USH2A: variants seen among roughly 807,000 people sequenced by gnomAD.
USH2A encodes the protein usherin.
USH2A carries 443 observed loss-of-function variants against 538.9 expected under a neutral mutation model. The observed-to-expected ratio is 0.82, with a 90% confidence interval of 0.76 to 0.89. The LOEUF (loss-of-function observed/expected upper bound fraction) is 0.89. USH2A is among the 40% of genes least tolerant of loss of function. The probability of loss-of-function intolerance (pLI) is 0.00; values close to 1 mark genes in which losing one functional copy is unlikely to be tolerated. For missense variants in USH2A, 6,633 were observed against 6,324.8 expected, an observed-to-expected ratio of 1.05 and a Z score of -1.65; for synonymous variants, 2,413 against 2,273.5, an observed-to-expected ratio of 1.06 and a Z score of -1.75.
At chr1:216,049,072 C>T (rs919862243) in intron 30 of USH2A, among the ~76,000 whole-genome samples, 2 of 152,140 alleles carry the variant, frequency 1.3e-5, no homozygotes, top group African/African-American at 4.8e-5. Flanking sequence ...ACTAAGGAGT[C>T]CTTTTTATAG....
chr1:216,221,641 G>A (rs1264384080), intron 14 of USH2A, among the ~76,000 whole-genome samples: 3 of 152,184 alleles, frequency 2.0e-5, no homozygotes, highest in Non-Finnish European at 4.4e-5. Flanking sequence ...ACTCATAAAA[G>A]CTGGACCAGG....
rs534034765 is a variant in USH2A at position 216,319,045 on chromosome 1, A to G, written c.1644+2838T>C. 7.9e-5 allele frequency among the ~76,000 whole-genome samples: 12 copies of G among 152,346 alleles called. No homozygotes were observed. In the East Asian group the frequency reaches 1.9e-3, roughly 24 times the overall value. ...AGTCAACAGAAAGCAAGAGAAGCTC[A>G]GAAAAGAACATATCATATGAAGGTA... On this transcript the variant is annotated intron_variant, in intron 9 of 71. Transcript: ENST00000307340.
rs1313107774 is a variant in USH2A, at chr1:216,247,169, A to G, written c.2225T>C (p.Val742Ala). The change falls in exon 13 of 72, where the codon GTT becomes GCT. Residue 742 changes from valine (V) to alanine (A), a missense_variant. Val to Ala is a moderately conservative substitution (Grantham distance 64). Transcript: ENST00000307340. ...GFKFLRSFND[V>A]GCEPCQCNLH... Reference sequence around the variant, plus strand: ...GTTACACTGGCAGGGCTCACATCCAACATCATTAAAGCTTCGGAGAAATTT... The same window carrying G: ...GTTACACTGGCAGGGCTCACATCCAGCATCATTAAAGCTTCGGAGAAATTT... The G allele has an allele frequency of 1.8e-5, 29 of 1,614,060 alleles. No homozygotes were observed. The highest frequency in any genetic ancestry group is 2.4e-5 in the Non-Finnish European group (28 of 1,179,934).
chr1:216,329,931 A>G (rs1240350100), intron 4 of USH2A, among the ~76,000 whole-genome samples: 1 of 152,056 alleles, frequency 6.6e-6, no homozygotes, highest in African/African-American at 2.4e-5. Context: ...ATGTTATCCA[A>G]TTTGCTTTCT....
chr1:216,026,140 T>C (rs960035439), intron 32 of USH2A, among the ~76,000 whole-genome samples: 1 of 152,114 alleles, frequency 6.6e-6, no homozygotes. Flanking sequence ...ATAGTAAACA[T>C]GGGGATGGAA....
chr1:216,120,219 C>CAAAAAAAAAAAAAAAA lies in USH2A; in HGVS notation c.4628-23022_4628-23007dup, dbSNP rs10525093. On this transcript the variant is annotated intron_variant, in intron 21 of 71. Transcript: ENST00000307340. The stretch of plus-strand genomic sequence containing the variant: ...TATTAAAACAGGTCATACTAAATAG[C>CAAAAAAAAAAAAAAAA]AAAAAAAAAAAAAAAAAAAAAAAAA... 1.6e-4 allele frequency among the ~76,000 whole-genome samples: 16 copies of CAAAAAAAAAAAAAAAA among 100,022 alleles called. 1 individual carries two copies. Among genetic ancestry groups the CAAAAAAAAAAAAAAAA allele is most frequent in the East Asian group, 4.6e-4 (1 of 2,156 alleles). The allele number at this position is 100,022 out of a possible 152,430, so 65.6% of individuals were successfully genotyped here.
intron 11 of USH2A, among the ~76,000 whole-genome samples, chr1:216,272,905 T>G (rs894328338): frequency 1.3e-5 from 2 of 151,958 alleles, no homozygotes; most frequent in Admixed American, 1.3e-4. Flanking sequence ...GCAGTAAAAG[T>G]CAAAAGAGAC....
chr1:216,207,359 G>C lies in USH2A; in HGVS notation c.3230C>G (p.Pro1077Arg). 1.2e-6 allele frequency: 2 copies of C among 1,614,024 alleles called. No homozygotes were observed. Among genetic ancestry groups the C allele is most frequent in the Non-Finnish European group, 1.7e-6 (2 of 1,179,938 alleles). The change falls in exon 16 of 72, where the codon CCT becomes CGT. Residue 1077 changes from proline to arginine, a missense_variant. Coordinates refer to ENST00000307340, the MANE Select transcript of USH2A (RefSeq NM_206933.4). ...SSAINLSWSP[P>R]DSPNAHWLTY... Reference sequence around the variant, plus strand: ...AAGCCAGTGGGCATTTGGAGAATCAGGTGGACTCCAGGAGAGATTGATAGC... The same window carrying C: ...AAGCCAGTGGGCATTTGGAGAATCACGTGGACTCCAGGAGAGATTGATAGC...
At chr1:215,685,775 A>G (rs1658406114) in intron 61 of USH2A, among the ~76,000 whole-genome samples, 1 of 152,112 alleles carries the variant, frequency 6.6e-6, no homozygotes, top group Non-Finnish European at 1.5e-5. Flanking sequence ...AAGCCTGCAA[A>G]ATATAAACAT....
intron 61 of USH2A, among the ~76,000 whole-genome samples, chr1:215,702,670 A>G (rs1206770041): frequency 6.6e-6 from 1 of 150,402 alleles, no homozygotes; most frequent in Non-Finnish European, 1.5e-5. Context: ...TCCATCATTT[A>G]TGTTCTTCTC....
chr1:216,422,489 T>A lies in USH2A; in HGVS notation c.-153A>T, dbSNP rs1238583673. 1 of 1,100,142 alleles carries A rather than the reference T, an allele frequency of 9.1e-7. No individual in the cohort carries two copies. The highest frequency in any genetic ancestry group is 2.6e-5 in the East Asian group (1 of 38,454). 68.1% of individuals were successfully genotyped at this position (1,100,142 alleles called of 1,614,324 possible). ...CTGCAGACACGTTCTCAGAGTAAGG[T>A]AATACCAACGACGTTCTTAGCAATG... is the stretch of plus-strand genomic sequence containing the variant. On this transcript the variant is annotated 5_prime_UTR_variant, in exon 2 of 72. Coordinates refer to ENST00000307340, the MANE Select transcript of USH2A (RefSeq NM_206933.4).
intron 21 of USH2A, among the ~76,000 whole-genome samples, chr1:216,153,520 T>C (rs1470774444): frequency 1.3e-5 from 2 of 152,202 alleles, no homozygotes; most frequent in East Asian, 3.9e-4. Context: ...CCAACAGAGA[T>C]CCAGTGTTAG....
chr1:216,303,783 T>C (rs1318500932), intron 9 of USH2A, among the ~76,000 whole-genome samples: 1 of 151,992 alleles, frequency 6.6e-6, no homozygotes, highest in African/African-American at 2.4e-5. Context: ...CCTTCAATAT[T>C]TTCAAATACT....
At chr1:216,338,992 A>G (rs1056679432) in intron 4 of USH2A, among the ~76,000 whole-genome samples, 1 of 151,620 alleles carries the variant, frequency 6.6e-6, no homozygotes, top group Non-Finnish European at 1.5e-5. Flanking sequence ...AAGAATACTT[A>G]AGAAGCCTAT....
chr1:216,001,149 T>C (rs1419062467), intron 32 of USH2A, among the ~76,000 whole-genome samples: 1 of 152,168 alleles, frequency 6.6e-6, no homozygotes, highest in African/African-American at 2.4e-5. Context: ...TCTCTTTCTC[T>C]TTGTACATAC....
At position 215,741,505 on chromosome 1, in the gene USH2A, T is replaced by C. The variant is rs546788152; in HGVS notation, c.11581A>G (p.Lys3861Glu). The change falls in exon 60 of 72, where the codon AAA becomes GAA. Residue 3861 changes from lysine to glutamate, a missense_variant. Physicochemically the swap from Lys to Glu is moderately conservative, Grantham distance 56. Coordinates refer to ENST00000307340, the MANE Select transcript of USH2A (RefSeq NM_206933.4). ...TCCATTGGGGCTGCTTCAGGTGTTT[T>C]GACAAACATCCTACTGCTAACTCCA... is the stretch of plus-strand genomic sequence containing the variant. ...SCGVSSRMFV[K>E]TPEAAPMDLN... 5.0e-6 allele frequency: 8 copies of C among 1,613,782 alleles called. No homozygotes were observed. The African/African-American group carries it at 9.3e-5, about 19-fold the overall frequency.
intron 61 of USH2A, among the ~76,000 whole-genome samples, chr1:215,686,632 G>A (rs1362117666): frequency 6.6e-6 from 1 of 152,044 alleles, no homozygotes; most frequent in Non-Finnish European, 1.5e-5. Flanking sequence ...TATGTGTGAA[G>A]AGCTCTGCAA....
chr1:216,253,941 C>T (rs1228410608), intron 11 of USH2A, among the ~76,000 whole-genome samples: 1 of 152,164 alleles, frequency 6.6e-6, no homozygotes, highest in Non-Finnish European at 1.5e-5. Flanking sequence ...TTCCTCCTTG[C>T]TCTGCTATAA....
chr1:216,392,580 T>C (rs2039129943), intron 3 of USH2A, among the ~76,000 whole-genome samples: 1 of 151,966 alleles, frequency 6.6e-6, no homozygotes, highest in South Asian at 2.1e-4. Flanking sequence ...TCCATTGTCT[T>C]CTCTCAGGGA....
Sources: gnomAD v4.1 joint callset for allele counts (sites outside exome capture counted in the v4.1 genomes callset) on GRCh38, gnomAD v4.1.1 for gene constraint, MANE v1.5 for transcripts, NCBI Gene and HGNC (gene_info 2026-07-23, HGNC 2026-07-21) for gene names.